NEGR1: variants seen among roughly 807,000 people sequenced by gnomAD.
The protein encoded by NEGR1 is neuronal growth regulator 1, also known as IgLON family member 4.
NEGR1 carries 10 observed loss-of-function variants against 40.9 expected under a neutral mutation model. The observed-to-expected ratio is 0.24, with a 90% CI of 0.15 to 0.42. NEGR1 has a LOEUF of 0.42. Among genes scored for constraint, NEGR1 ranks in the 10% least tolerant of loss-of-function variants. The pLI, the probability that NEGR1 is intolerant of heterozygous loss-of-function variation, is 1.00. For missense variants in NEGR1, 352 were observed against 438.9 expected, an observed-to-expected ratio of 0.80 and a Z score of 1.77; for synonymous variants, 185 against 166.8, an observed-to-expected ratio of 1.11 and a Z score of -0.84.
At chr1:71,662,015 G>T (rs2422019) in intron 4 of NEGR1, among the ~76,000 whole-genome samples, 1 of 152,038 alleles carries the variant, frequency 6.6e-6, no homozygotes, top group Non-Finnish European at 1.5e-5. Flanking sequence ...AACATATGTA[G>T]AGTTGTTAGC....
At chr1:72,261,433 GA>G (rs1204817951) in intron 1 of NEGR1, among the ~76,000 whole-genome samples, 1 of 151,698 alleles carries the variant, frequency 6.6e-6, no homozygotes, top group African/African-American at 2.4e-5. Flanking sequence ...ATACTTCTCA[GA>G]AAAAAATCCA....
chr1:71,707,171 A>G (rs1184103846), intron 3 of NEGR1, among the ~76,000 whole-genome samples: 3 of 152,082 alleles, frequency 2.0e-5, no homozygotes, highest in African/African-American at 7.2e-5. Flanking sequence ...ACACTGCCAC[A>G]GGGGTTGGAG....
At chr1:72,121,213 C>G (rs571570667) in intron 1 of NEGR1, among the ~76,000 whole-genome samples, 1 of 151,978 alleles carries the variant, frequency 6.6e-6, no homozygotes, top group Non-Finnish European at 1.5e-5. Context: ...AAGCCAAAGT[C>G]AATCTTTTTG....
rs904084473 is a variant in NEGR1, at chr1:72,274,838, T to C, written c.176+7481A>G. Reference sequence around the variant, plus strand: ...CAGGTGATCAGAGTTATTTGCATCCTCAGCCACCCCATCAAGAACACCAAT... The same window carrying C: ...CAGGTGATCAGAGTTATTTGCATCCCCAGCCACCCCATCAAGAACACCAAT... On this transcript the variant is annotated intron_variant, in intron 1 of 6. Transcript: ENST00000357731. 2.6e-5 allele frequency: 40 copies of C among 1,556,192 alleles called. 1 individual carries two copies. The African/African-American group carries it at 4.1e-4, about 16-fold the overall frequency.
chr1:72,043,719 G>T (rs1379445292), intron 1 of NEGR1, among the ~76,000 whole-genome samples: 1 of 151,758 alleles, frequency 6.6e-6, no homozygotes, highest in Admixed American at 6.6e-5. Flanking sequence ...CATCATGATC[G>T]AAATTGGTCT....
intron 6 of NEGR1, among the ~76,000 whole-genome samples, chr1:71,550,265 C>T (rs1373047679): frequency 6.6e-6 from 1 of 151,520 alleles, no homozygotes; most frequent in Non-Finnish European, 1.5e-5. Flanking sequence ...ACCTTCCCAG[C>T]CACTCATAGA....
intron 1 of NEGR1, among the ~76,000 whole-genome samples, chr1:72,072,728 T>G (rs1647522589): frequency 1.5e-5 from 2 of 136,384 alleles, no homozygotes; most frequent in African/African-American, 2.6e-5. Flanking sequence ...CGATCTGAGC[T>G]TGATTCTCAG....
At chr1:71,450,577 C>A (rs561958732) in intron 6 of NEGR1, among the ~76,000 whole-genome samples, 2 of 151,762 alleles carry the variant, frequency 1.3e-5, no homozygotes, top group African/African-American at 2.4e-5. Flanking sequence ...GAGGCTGAGG[C>A]GGGCAGATCT....
At chr1:71,484,296 G>T (rs966809332) in intron 6 of NEGR1, among the ~76,000 whole-genome samples, 1 of 151,276 alleles carries the variant, frequency 6.6e-6, no homozygotes, top group Admixed American at 6.6e-5. Flanking sequence ...CTTCATGCAA[G>T]ACTTTTTTTT....
chr1:71,603,419 G>C (rs186563208), intron 5 of NEGR1, among the ~76,000 whole-genome samples: 1 of 152,302 alleles, frequency 6.6e-6, no homozygotes, highest in East Asian at 1.9e-4. Context: ...GAGATATCCT[G>C]ACATAGGAGT....
chr1:72,239,945 T>A (rs1284961977), intron 1 of NEGR1, among the ~76,000 whole-genome samples: 1 of 151,796 alleles, frequency 6.6e-6, no homozygotes, highest in Non-Finnish European at 1.5e-5. Context: ...TCATGGAAAA[T>A]GTGTATTATG....
At position 71,785,245 on chromosome 1, in the gene NEGR1, G is replaced by C. The variant is rs572859349; in HGVS notation, c.410-8948C>G. 1.6e-4 allele frequency among the ~76,000 whole-genome samples: 25 copies of C among 152,264 alleles called. No homozygotes were observed. In the South Asian group the frequency reaches 5.2e-3, roughly 32 times the overall value. ...TTATTGTCGTGCTGTATATCACAGG[G>C]AATCTACAATGCCTGCATAATTCAG... On this transcript the variant is annotated intron_variant, in intron 2 of 6. Coordinates refer to ENST00000357731, the MANE Select transcript of NEGR1 (RefSeq NM_173808.3).
intron 1 of NEGR1, among the ~76,000 whole-genome samples, chr1:72,133,542 GC>G (rs1235111128): frequency 6.6e-5 from 10 of 151,870 alleles, no homozygotes; most frequent in African/African-American, 2.4e-4. Context: ...TACTATATAA[GC>G]TTTGATACTC....
chr1:71,887,948 T>A (rs1353058268), intron 2 of NEGR1, among the ~76,000 whole-genome samples: 2 of 151,012 alleles, frequency 1.3e-5, no homozygotes. Flanking sequence ...CCTGCTGCAA[T>A]GGGTAGTACC....
At chr1:72,158,071 G>A (rs1651426474) in intron 1 of NEGR1, among the ~76,000 whole-genome samples, 2 of 152,116 alleles carry the variant, frequency 1.3e-5, no homozygotes, top group Non-Finnish European at 2.9e-5. Flanking sequence ...AAAGCATGCT[G>A]AGATTAGCCA....
intron 2 of NEGR1, among the ~76,000 whole-genome samples, chr1:71,923,165 C>T (rs759974363): frequency 2.6e-5 from 4 of 152,114 alleles, no homozygotes; most frequent in East Asian, 1.9e-4. Context: ...AAGATAGATA[C>T]GATCCATATT....
chr1:71,822,731 G>A (rs967203058), intron 2 of NEGR1, among the ~76,000 whole-genome samples: 1 of 151,948 alleles, frequency 6.6e-6, no homozygotes, highest in Non-Finnish European at 1.5e-5. Context: ...ATTTGGGCCT[G>A]CCTTGGCCAG....
At chr1:72,093,326 C>T (rs1438384022) in intron 1 of NEGR1, among the ~76,000 whole-genome samples, 13 of 48,088 alleles carry the variant, frequency 2.7e-4, no homozygotes, top group African/African-American at 5.7e-4. Flanking sequence ...CTAGACTCTG[C>T]CTCAAAAAAA....
chr1:71,941,697 C>T (rs200224514), intron 1 of NEGR1, among the ~76,000 whole-genome samples: 1 of 152,032 alleles, frequency 6.6e-6, no homozygotes, highest in Non-Finnish European at 1.5e-5. Context: ...TAAGTGAGAA[C>T]TGCACTTCAG....
Sources: gnomAD v4.1 joint callset for allele counts (sites outside exome capture counted in the v4.1 genomes callset) on GRCh38, gnomAD v4.1.1 for gene constraint, MANE v1.5 for transcripts, NCBI Gene and HGNC (gene_info 2026-07-23, HGNC 2026-07-21) for gene names.